The following DLG2 variants were observed in gnomAD, a reference collection of about 807,000 sequenced individuals.
DLG2 encodes discs large MAGUK scaffold protein 2, also known as disks large homolog 2.
In DLG2, 45 loss-of-function variants were observed where a neutral mutation model predicts 132.5. The observed-to-expected ratio is 0.34, with a 90% confidence interval of 0.27 to 0.44. DLG2 has a LOEUF of 0.44. Ranked by LOEUF, DLG2 falls within the 20% of genes least tolerant of loss-of-function variation. The pLI is 1.00. For missense variants in DLG2, 1,045 were observed against 1,196.9 expected (o/e 0.87, Z 1.87); for synonymous variants, 424 against 419.6 (o/e 1.01, Z -0.13).
At chr11:84,085,662 T>C (rs2154161335) in intron 10 of DLG2, among the ~76,000 whole-genome samples, 1 of 152,348 alleles carries the variant, frequency 6.6e-6, no homozygotes, top group East Asian at 1.9e-4. Context: ...GTACATCTTG[T>C]TAACTTTTAG....
At chr11:85,268,799 T>C (rs1216692504) in intron 4 of DLG2, among the ~76,000 whole-genome samples, 1 of 152,216 alleles carries the variant, frequency 6.6e-6, no homozygotes, top group Non-Finnish European at 1.5e-5. Flanking sequence ...CTGTGATGCC[T>C]ACAACAGATA....
At chr11:85,255,651 C>T (rs778476269) in intron 4 of DLG2, among the ~76,000 whole-genome samples, 33 of 152,132 alleles carry the variant, frequency 2.2e-4, no homozygotes, top group Non-Finnish European at 3.8e-4. Context: ...ATATCAAATA[C>T]TTGGAATGCA....
At position 85,414,053 on chromosome 11, in the gene DLG2, T is replaced by C. The variant is rs148415359; in HGVS notation, c.41-128688A>G. Among the ~76,000 whole-genome samples, 200 of 152,196 alleles carry C rather than the reference T, an allele frequency of 1.3e-3. 3 individuals are homozygous for C. In the East Asian group the frequency reaches 0.037, roughly 28 times the overall value. On this transcript the variant is annotated intron_variant, in intron 3 of 27. Transcript: ENST00000376104. ...GTGCATGGGATGTGTTTCCATTTGTTTGTGTCATCTATGATTTCTTTCAGC... is the reference window on the plus strand; with the variant it reads ...GTGCATGGGATGTGTTTCCATTTGTCTGTGTCATCTATGATTTCTTTCAGC...
intron 3 of DLG2, among the ~76,000 whole-genome samples, chr11:85,445,228 T>G (rs191836993): frequency 6.6e-6 from 1 of 152,274 alleles, no homozygotes; most frequent in East Asian, 1.9e-4. Context: ...TAAAGGATTT[T>G]GGATGGTGGG....
chr11:85,112,707 GACTT>G (rs1427392187), intron 5 of DLG2, among the ~76,000 whole-genome samples: 1 of 152,022 alleles, frequency 6.6e-6, no homozygotes, highest in African/African-American at 2.4e-5. Context: ...AGAAAACAGA[GACTT>G]AGAGAGGTTA....
chr11:84,821,559 T>C (rs2077676665), intron 6 of DLG2, among the ~76,000 whole-genome samples: 2 of 148,620 alleles, frequency 1.3e-5, no homozygotes, highest in Admixed American at 6.8e-5. Flanking sequence ...CTACAGAGTG[T>C]ACAAAAACAG....
rs190099874 is a variant in DLG2 at position 85,378,266 on chromosome 11, C to T, written c.41-92901G>A. 1.4e-4 allele frequency among the ~76,000 whole-genome samples: 21 copies of T among 152,144 alleles called. 1 individual carries two copies. Among genetic ancestry groups the T allele is most frequent in the African/African-American group, 4.1e-4 (17 of 41,520 alleles). On this transcript the variant is annotated intron_variant, in intron 3 of 27. Transcript: ENST00000376104. ...CTCTAGTTGACAGGGACTGGCAATA[C>T]TACTGTGAATTTTTTGTGATTATTC...
chr11:83,677,826 T>C (rs1592278969), intron 18 of DLG2, among the ~76,000 whole-genome samples: 1 of 152,280 alleles, frequency 6.6e-6, no homozygotes, highest in East Asian at 1.9e-4. Context: ...ATTGGGAGAA[T>C]GATGCACTAA....
At chr11:84,300,391 A>G (rs961224087) in intron 7 of DLG2, among the ~76,000 whole-genome samples, 2 of 152,202 alleles carry the variant, frequency 1.3e-5, no homozygotes, top group African/African-American at 2.4e-5. Flanking sequence ...TTTTCCTTCC[A>G]GAGAACAGAC....
At chr11:84,996,308 C>CT (rs1177299633) in intron 6 of DLG2, among the ~76,000 whole-genome samples, 1 of 152,046 alleles carries the variant, frequency 6.6e-6, no homozygotes, top group African/African-American at 2.4e-5. Context: ...GATTTTTCCT[C>CT]TTTTTTCCTC....
At chr11:84,152,601 T>C (rs1457167111) in intron 9 of DLG2, among the ~76,000 whole-genome samples, 1 of 152,148 alleles carries the variant, frequency 6.6e-6, no homozygotes, top group African/African-American at 2.4e-5. Flanking sequence ...TTAGCCAGGA[T>C]GGTCTCGATC....
At chr11:84,697,281 G>C (rs757200580) in intron 6 of DLG2, among the ~76,000 whole-genome samples, 5 of 151,388 alleles carry the variant, frequency 3.3e-5, no homozygotes, top group Non-Finnish European at 7.4e-5. Flanking sequence ...TAATCACAAA[G>C]AATCTAATAT....
chr11:85,431,043 T>C (rs1273366271), intron 3 of DLG2, among the ~76,000 whole-genome samples: 2 of 152,106 alleles, frequency 1.3e-5, no homozygotes, highest in Non-Finnish European at 2.9e-5. Flanking sequence ...ATTTTTTAGT[T>C]TTTTTTATTT....
intron 2 of DLG2, among the ~76,000 whole-genome samples, chr11:85,612,996 T>C (rs2081103473): frequency 1.3e-5 from 2 of 152,172 alleles, no homozygotes; most frequent in African/African-American, 2.4e-5. Context: ...TGCACCTTCT[T>C]AGGGGTAGAG....
rs574993315 is a variant in DLG2, at chr11:85,607,224, G to A, written c.-92-8436C>T. On this transcript the variant is annotated intron_variant, in intron 2 of 27. Transcript: ENST00000376104. ...CAGCCGCCGGACTAAAGACACGGGT[G>A]TCAGGCTTTCTGGGAAAGGGCTCTC... Among the ~76,000 whole-genome samples the A allele has an allele frequency of 3.0e-4, 45 of 152,326 alleles. No individual in the cohort carries two copies. The South Asian group carries it at 9.1e-3, about 31-fold the overall frequency.
intron 3 of DLG2, among the ~76,000 whole-genome samples, chr11:85,344,417 G>A (rs2082695088): frequency 6.6e-6 from 1 of 152,154 alleles, no homozygotes; most frequent in Admixed American, 6.5e-5. Context: ...ATGACGGACA[G>A]AGGCAGAAAT....
At chr11:84,798,369 A>C (rs2153952920) in intron 6 of DLG2, among the ~76,000 whole-genome samples, 1 of 152,304 alleles carries the variant, frequency 6.6e-6, no homozygotes, top group South Asian at 2.1e-4. Flanking sequence ...ACTGTCACTA[A>C]GCTGGCCCTC....
chr11:84,313,304 A>G (rs1171153538), intron 7 of DLG2, among the ~76,000 whole-genome samples: 2 of 151,272 alleles, frequency 1.3e-5, no homozygotes, highest in African/African-American at 2.4e-5. Flanking sequence ...TAGTAGGGAC[A>G]GGGTTTCACT....
chr11:84,170,669 C>A (rs552753330), intron 8 of DLG2, among the ~76,000 whole-genome samples: 1 of 152,282 alleles, frequency 6.6e-6, no homozygotes, highest in Non-Finnish European at 1.5e-5. Context: ...TTAACCACAT[C>A]TTCAGAATGT....
Sources: gnomAD v4.1 joint callset for allele counts (sites outside exome capture counted in the v4.1 genomes callset) on GRCh38, gnomAD v4.1.1 for gene constraint, MANE v1.5 for transcripts, NCBI Gene and HGNC (gene_info 2026-07-23, HGNC 2026-07-21) for gene names.